The following EPB41L3 variants were observed in gnomAD, a reference collection of about 807,000 sequenced individuals.
EPB41L3 encodes band 4.1-like protein 3.
A neutral mutation model predicts 127.1 loss-of-function variants in EPB41L3; 57 were observed. That is an observed-to-expected ratio of 0.45 (90% CI 0.36 to 0.56). The LOEUF (loss-of-function observed/expected upper bound fraction) is 0.56. Ranked by LOEUF, EPB41L3 falls within the 20% of genes least tolerant of loss-of-function variation. The pLI, the probability that EPB41L3 is intolerant of heterozygous loss-of-function variation, is 0.00. For missense variants in EPB41L3, 1,273 were observed against 1,372.2 expected (o/e 0.93, Z 1.14); for synonymous variants, 572 against 549.5 (o/e 1.04, Z -0.57).
At chr18:5,623,562 A>G (rs1460926439) in intron 1 of EPB41L3, among the ~76,000 whole-genome samples, 1 of 152,220 alleles carries the variant, frequency 6.6e-6, no homozygotes, top group African/African-American at 2.4e-5. Flanking sequence ...TGAAATATGG[A>G]AGCTGGTCAT....
In EPB41L3 at chr18:5,443,947, TAC is replaced by T. The variant is rs370884112; in HGVS notation, c.487-69_487-68del. 23 of 1,355,938 alleles carry T rather than the reference TAC, an allele frequency of 1.7e-5. No individual in the cohort carries two copies. In the African/African-American group the frequency reaches 3.0e-4, roughly 18 times the overall value. The allele number at this position is 1,355,938 out of a possible 1,614,324, so 84.0% of individuals were successfully genotyped here. A position where few individuals can be genotyped will look rare whatever the true frequency, so the allele number is the denominator to read the frequency against. ...TAAAAATGACTTAATGTTGATTAGG[TAC>T]AGACTCTCCCTAAATGCAGTGCGGA... is the stretch of plus-strand genomic sequence containing the variant. On this transcript the variant is annotated intron_variant, in intron 4 of 22. Transcript: ENST00000341928.
intron 3 of EPB41L3, among the ~76,000 whole-genome samples, chr18:5,561,035 T>A (rs919998817): frequency 7.2e-6 from 1 of 139,180 alleles, no homozygotes; most frequent in East Asian, 2.1e-4. Context: ...TGGAGTGCAG[T>A]GGCGCGATCG....
intron 3 of EPB41L3, among the ~76,000 whole-genome samples, chr18:5,556,131 A>G (rs1390396344): frequency 6.6e-6 from 1 of 152,216 alleles, no homozygotes; most frequent in Admixed American, 6.5e-5. Context: ...AATATTTGCA[A>G]TAAATAAATG....
intron 3 of EPB41L3, among the ~76,000 whole-genome samples, chr18:5,607,672 A>G (rs1785422): frequency 0.97 from 148,111 of 152,292 alleles, 72,125 homozygotes; most frequent in East Asian, 1. Context: ...GTTACCATCC[A>G]TTCCATTAAA....
chr18:5,473,727 AAGC>A (rs1191657847), intron 3 of EPB41L3, among the ~76,000 whole-genome samples: 1 of 152,282 alleles, frequency 6.6e-6, no homozygotes. Context: ...TTTGAGAAAT[AAGC>A]ATCAACAACA....
chr18:5,503,203 G>A (rs186618567), intron 1 of EPB41L3, among the ~76,000 whole-genome samples: 71 of 152,132 alleles, frequency 4.7e-4, no homozygotes, highest in African/African-American at 1.6e-3. Flanking sequence ...TCTTAACTTA[G>A]TTTTTTATAG....
intron 3 of EPB41L3, among the ~76,000 whole-genome samples, chr18:5,463,044 C>G (rs939919133): frequency 6.6e-6 from 1 of 152,202 alleles, no homozygotes; most frequent in African/African-American, 2.4e-5. Flanking sequence ...CCACATCCCC[C>G]TAATATATCC....
intron 11 of EPB41L3, among the ~76,000 whole-genome samples, chr18:5,421,021 C>G (rs142646868): frequency 2.0e-5 from 3 of 152,254 alleles, no homozygotes; most frequent in Non-Finnish European, 4.4e-5. Context: ...GAGATGCAAC[C>G]TTGCAAAAAA....
intron 13 of EPB41L3, among the ~76,000 whole-genome samples, chr18:5,411,521 G>C (rs1277096900): frequency 6.6e-6 from 1 of 151,972 alleles, no homozygotes; most frequent in African/African-American, 2.4e-5. Flanking sequence ...TGTTTCACAG[G>C]GGTTTATGGC....
chr18:5,614,451 G>A (rs1047193305), intron 1 of EPB41L3: 1 of 152,136 alleles, frequency 6.6e-6, no homozygotes, highest in Non-Finnish European at 1.5e-5. Flanking sequence ...CAGAATTAGT[G>A]TCTCATTCCT....
At chr18:5,561,246 G>T (rs111557382) in intron 3 of EPB41L3, among the ~76,000 whole-genome samples, 4,531 of 152,098 alleles carry the variant, frequency 0.03, 225 homozygotes, top group African/African-American at 0.1. Context: ...CAAAGTGCTG[G>T]GATTATAGGC....
rs569604942 is a variant in EPB41L3 at position 5,518,784 on chromosome 18, C to T, written c.-12+25129G>A. 3.3e-5 allele frequency among the ~76,000 whole-genome samples: 5 copies of T among 152,316 alleles called. No homozygotes were observed. In the East Asian group the frequency reaches 9.6e-4, roughly 29 times the overall value. ...GTGAGGTCAGTCCCCTCCTGACAGG[C>T]ACACAGGGCCCCCAGACTCTCGCTG... On this transcript the variant is annotated intron_variant, in intron 1 of 22. Transcript: ENST00000341928.
chr18:5,462,760 G>A (rs1263882254), intron 3 of EPB41L3, among the ~76,000 whole-genome samples: 4 of 152,120 alleles, frequency 2.6e-5, no homozygotes, highest in Non-Finnish European at 5.9e-5. Flanking sequence ...CTCATTCACT[G>A]CCAGGTTTGA....
intron 4 of EPB41L3, among the ~76,000 whole-genome samples, chr18:5,444,458 G>A (rs2081209924): frequency 1.3e-5 from 2 of 152,176 alleles, no homozygotes; most frequent in South Asian, 2.1e-4. Flanking sequence ...TAACAACTAT[G>A]AGCAAAATTT....
chr18:5,618,719 C>T (rs2094826709), intron 1 of EPB41L3, among the ~76,000 whole-genome samples: 1 of 152,058 alleles, frequency 6.6e-6, no homozygotes, highest in African/African-American at 2.4e-5. Context: ...AAAACTACAC[C>T]ATAAATCTCC....
chr18:5,544,952 ATTTT>A (rs533954383), upstream of EPB41L3, among the ~76,000 whole-genome samples: 1 of 152,094 alleles, frequency 6.6e-6, no homozygotes, highest in East Asian at 1.9e-4. Flanking sequence ...AAAATATTAA[ATTTT>A]TTTAATTTTT....
At chr18:5,402,505 C>T (rs1243347877) in intron 16 of EPB41L3, among the ~76,000 whole-genome samples, 1 of 152,048 alleles carries the variant, frequency 6.6e-6, no homozygotes, top group African/African-American at 2.4e-5. Flanking sequence ...TTAAAAAATG[C>T]CTCTGTCTTA....
intron 21 of EPB41L3, 73 bp from the exon 22 acceptor site, chr18:5,394,866 G>C: frequency 7.2e-7 from 1 of 1,398,468 alleles, no homozygotes; most frequent in Admixed American, 1.7e-5. Context: ...GTGAGGTGGA[G>C]ACTTATGAGC....
rs2093823800 is a variant in EPB41L3 at position 5,543,859 on chromosome 18, T to G, written c.-12+54A>C. Reference sequence around the variant, plus strand: ...AGGCCTCGGGCTCTTCCTCCGCACCTCGTAAAGCCGAGACCCCCTCGCAGT... The same window carrying G: ...AGGCCTCGGGCTCTTCCTCCGCACCGCGTAAAGCCGAGACCCCCTCGCAGT... On this transcript the variant is annotated intron_variant, in intron 1 of 22. Transcript: ENST00000341928. The surrounding 1 kb of genome is among the most constrained non-coding windows in gnomAD (Gnocchi z 5.2). 1.0e-6 allele frequency: 1 copy of G among 983,628 alleles called. No individual in the cohort carries two copies. The highest frequency in any genetic ancestry group is 1.2e-6 in the Non-Finnish European group (1 of 829,016). 60.9% of individuals were successfully genotyped at this position (983,628 alleles called of 1,614,324 possible). A position where few individuals can be genotyped will look rare whatever the true frequency, so the allele number is the denominator to read the frequency against.
Sources: gnomAD v4.1 joint callset for allele counts (sites outside exome capture counted in the v4.1 genomes callset) on GRCh38, gnomAD v4.1.1 for gene constraint, Gnocchi (gnomAD v3.1) non-coding constraint, MANE v1.5 for transcripts, NCBI Gene and HGNC (gene_info 2026-07-23, HGNC 2026-07-21) for gene names.